Variants in NCALD observed in about 807,000 individuals in gnomAD.
NCALD encodes neurocalcin-delta.
NCALD carries 10 observed loss-of-function variants against 18.6 expected under a neutral mutation model. The ratio of observed to expected loss-of-function variants is 0.54; its 90% CI spans 0.33 to 0.91. The LOEUF (loss-of-function observed/expected upper bound fraction) is 0.91. Ranked by LOEUF, NCALD falls within the 40% of genes least tolerant of loss-of-function variation. The probability of loss-of-function intolerance (pLI) is 0.03; values close to 1 mark genes in which losing one functional copy is unlikely to be tolerated. For missense variants in NCALD, 184 were observed against 247.6 expected (o/e 0.74, Z 1.72); for synonymous variants, 88 against 87.4 (o/e 1.01, Z -0.04).
chr8:101,963,321 ATCTCCTTTT>A (rs1819902337), intron 2 of NCALD, among the ~76,000 whole-genome samples: 2 of 151,954 alleles, frequency 1.3e-5, no homozygotes, highest in Non-Finnish European at 2.9e-5. Context: ...CACATATCCA[ATCTCCTTTT>A]CCTGGTTTTT....
At chr8:101,998,650 TG>T (rs1254159429) in intron 2 of NCALD, among the ~76,000 whole-genome samples, 1 of 152,180 alleles carries the variant, frequency 6.6e-6, no homozygotes, top group Non-Finnish European at 1.5e-5. Flanking sequence ...CTTGTTTCTG[TG>T]GCCCAAGGAT....
chr8:102,078,465 C>T (rs1824420619), intron 1 of NCALD, among the ~76,000 whole-genome samples: 1 of 152,192 alleles, frequency 6.6e-6, no homozygotes, highest in African/African-American at 2.4e-5. Flanking sequence ...TTTTATTTCG[C>T]TTAGAAAAAA....
At chr8:101,811,187 T>C (rs1354506077) in intron 4 of NCALD, among the ~76,000 whole-genome samples, 1 of 152,132 alleles carries the variant, frequency 6.6e-6, no homozygotes. Context: ...AAGTTGCCAA[T>C]CAGCTGACCT....
chr8:101,926,615 G>C (rs547663938), intron 2 of NCALD, among the ~76,000 whole-genome samples: 3 of 152,040 alleles, frequency 2.0e-5, no homozygotes, highest in Non-Finnish European at 4.4e-5. Flanking sequence ...CCAAGCTGAC[G>C]ATCTACCAGG....
At chr8:101,844,359 C>CT (rs35559892) in intron 4 of NCALD, among the ~76,000 whole-genome samples, 1,710 of 145,076 alleles carry the variant, frequency 0.012, 27 homozygotes, top group African/African-American at 0.036. Context: ...ACTCTAAATT[C>CT]TTTTTTTTTT....
intron 1 of NCALD, chr8:101,788,550 A>G (rs1812323477): frequency 1.3e-5 from 2 of 152,240 alleles, no homozygotes; most frequent in African/African-American, 4.8e-5. Flanking sequence ...TGTTACTAAC[A>G]AAGCATGTAT....
chr8:101,854,697 T>C (rs1403580050), intron 4 of NCALD, among the ~76,000 whole-genome samples: 2 of 152,174 alleles, frequency 1.3e-5, no homozygotes, highest in Admixed American at 6.5e-5. Flanking sequence ...ATGGGACTTA[T>C]GCTGAAATTC....
chr8:101,746,914 C>T (rs1392481478), intron 1 of NCALD, among the ~76,000 whole-genome samples: 2 of 152,012 alleles, frequency 1.3e-5, no homozygotes, highest in African/African-American at 4.8e-5. Flanking sequence ...GGAATTACAA[C>T]CTGGAATTGT....
intron 2 of NCALD, among the ~76,000 whole-genome samples, chr8:102,011,673 TATTGA>T (rs1439570027): frequency 1.3e-5 from 2 of 152,196 alleles, no homozygotes; most frequent in Non-Finnish European, 2.9e-5. Flanking sequence ...TAATTCAAAT[TATTGA>T]ATTGAATTAT....
chr8:101,889,805 T>C (rs1280679749), intron 3 of NCALD, among the ~76,000 whole-genome samples: 1 of 152,206 alleles, frequency 6.6e-6, no homozygotes, highest in Non-Finnish European at 1.5e-5. Context: ...GATAACAGGG[T>C]TCTCATGAAG....
chr8:102,020,139 A>G (rs1206060103), intron 2 of NCALD: 4 of 152,192 alleles, frequency 2.6e-5, no homozygotes, highest in Non-Finnish European at 5.9e-5. Context: ...TAAGGCTAAA[A>G]TGAGGATTAC....
chr8:101,898,802 T>C (rs1441397276), intron 3 of NCALD, among the ~76,000 whole-genome samples: 1 of 152,178 alleles, frequency 6.6e-6, no homozygotes, highest in Non-Finnish European at 1.5e-5. Context: ...ATTTTGAAAT[T>C]AGGTTCAGTG....
intron 3 of NCALD, among the ~76,000 whole-genome samples, chr8:101,891,187 T>C (rs939210988): frequency 6.6e-6 from 1 of 152,238 alleles, no homozygotes; most frequent in Non-Finnish European, 1.5e-5. Context: ...TACATCCATG[T>C]TACCACCACT....
At chr8:102,027,952 C>T (rs1348645356) in intron 1 of NCALD, among the ~76,000 whole-genome samples, 1 of 152,006 alleles carries the variant, frequency 6.6e-6, no homozygotes, top group Non-Finnish European at 1.5e-5. Context: ...GTAATTGCCC[C>T]CATGATTCAA....
intron 2 of NCALD, among the ~76,000 whole-genome samples, chr8:102,009,207 T>C (rs964235112): frequency 2.6e-5 from 4 of 152,162 alleles, no homozygotes; most frequent in African/African-American, 9.7e-5. Flanking sequence ...ACCTACCAAC[T>C]CTAAGGCAAA....
chr8:101,693,017 T>A, intron 2 of NCALD, 121 bp from the exon 3 acceptor site: 1 of 677,886 alleles, frequency 1.5e-6, no homozygotes, highest in Non-Finnish European at 2.6e-6. Flanking sequence ...GACCTAGTCC[T>A]ACCCCTATTG....
At chr8:101,751,503 ATTTT>A (rs1278516846) in intron 1 of NCALD, among the ~76,000 whole-genome samples, 2 of 152,084 alleles carry the variant, frequency 1.3e-5, no homozygotes, top group Non-Finnish European at 2.9e-5. Context: ...AAAATGGTAA[ATTTT>A]TTGTTATGTT....
chr8:101,977,466 A>G (rs1193640741), intron 2 of NCALD, among the ~76,000 whole-genome samples: 2 of 152,182 alleles, frequency 1.3e-5, no homozygotes, highest in African/African-American at 4.8e-5. Flanking sequence ...GAAATTTTCT[A>G]AGTACTCAAA....
chr8:101,879,349 G>A (rs1350191871), intron 4 of NCALD, among the ~76,000 whole-genome samples: 2 of 152,216 alleles, frequency 1.3e-5, no homozygotes, highest in Non-Finnish European at 2.9e-5. Flanking sequence ...GACTTCAGCA[G>A]TGAAGCTGCA....
Sources: allele counts gnomAD v4.1 joint callset (sites outside exome capture counted in the v4.1 genomes callset), GRCh38; gene constraint gnomAD v4.1.1; transcripts MANE v1.5; gene names NCBI Gene and HGNC (gene_info 2026-07-23, HGNC 2026-07-21).